ABCC11: variants seen among roughly 807,000 people sequenced by gnomAD.
ABCC11 encodes ATP-binding cassette sub-family C member 11.
In ABCC11, 135 loss-of-function variants were observed where a neutral mutation model predicts 149.3. The ratio of observed to expected loss-of-function variants is 0.90; its 90% confidence interval spans 0.79 to 1.04. ABCC11 has a LOEUF of 1.04. Ranked by LOEUF, ABCC11 falls within the 50% of genes least tolerant of loss-of-function variation. ABCC11 has a pLI of 0.00. For missense variants in ABCC11, 1,680 were observed against 1,722.1 expected, an observed-to-expected ratio of 0.98 and a Z score of 0.43; for synonymous variants, 665 against 671.4, an observed-to-expected ratio of 0.99 and a Z score of 0.15.
chr16:48,191,730 C>CA (rs1268953356), intron 20 of ABCC11, among the ~76,000 whole-genome samples: 1 of 149,208 alleles, frequency 6.7e-6, no homozygotes, highest in East Asian at 2.0e-4. Context: ...ATTGCAAGGA[C>CA]AAAAAACCAA....
rs113519656 is a variant in ABCC11 at position 48,219,180 on chromosome 16, T to C, written c.778-2893A>G. 6.5e-3 allele frequency among the ~76,000 whole-genome samples: 989 copies of C among 151,410 alleles called. 13 individuals are homozygous for C. Among genetic ancestry groups the C allele is most frequent in the African/African-American group, 0.023 (940 of 41,288 alleles). ...TGTTTTGGTTTTGGGTTTTTTTTTT[T>C]TTTTTTTGAGACTGGGTCTCACTAT... On this transcript the variant is annotated intron_variant, in intron 6 of 29. Coordinates refer to ENST00000356608, the MANE Select transcript of ABCC11 (RefSeq NM_001370497.1).
At chr16:48,244,387 G>A in intron 1 of ABCC11, 1 of 1,540,340 alleles carries the variant, frequency 6.5e-7, no homozygotes, top group African/African-American at 1.4e-5. Context: ...AAGGCTGCCA[G>A]CATGTCATCA....
At chr16:48,226,353 TA>T (rs1338124056) in intron 4 of ABCC11, among the ~76,000 whole-genome samples, 1 of 150,202 alleles carries the variant, frequency 6.7e-6, no homozygotes, top group Non-Finnish European at 1.5e-5. Context: ...CGGCTTACTA[TA>T]AGCTCTGCCT....
intron 1 of ABCC11, among the ~76,000 whole-genome samples, chr16:48,242,911 TG>T (rs1343124212): frequency 7.1e-6 from 1 of 140,808 alleles, no homozygotes; most frequent in Non-Finnish European, 1.5e-5. Context: ...TGGTGGGGAG[TG>T]GGGGGGAAGG....
chr16:48,203,332 G>C (rs1968162448), intron 13 of ABCC11, 32 bp from the exon 14 acceptor site: 2 of 1,537,262 alleles, frequency 1.3e-6, no homozygotes, highest in South Asian at 2.4e-5. Flanking sequence ...AAGGCACAGG[G>C]GACCAGCCCT....
At chr16:48,189,092 T>C (rs1054686145) in intron 20 of ABCC11, among the ~76,000 whole-genome samples, 1 of 152,266 alleles carries the variant, frequency 6.6e-6, no homozygotes, top group Admixed American at 6.5e-5. Flanking sequence ...TTTTTCTGCC[T>C]CTAAAATCCC....
chr16:48,180,626 A>G (rs1030745283), intron 23 of ABCC11, among the ~76,000 whole-genome samples: 5 of 152,188 alleles, frequency 3.3e-5, no homozygotes, highest in Non-Finnish European at 7.3e-5. Context: ...CTGCCTCCCA[A>G]TGCTCGAATG....
rs113762005 is a variant in ABCC11 at position 48,222,081 on chromosome 16, A to ATT, written c.777+515_777+516dup. On this transcript the variant is annotated intron_variant, in intron 6 of 29. Coordinates refer to ENST00000356608, the MANE Select transcript of ABCC11 (RefSeq NM_001370497.1). ...AGGCATGTACCACCAAGCCCAGCTA[A>ATT]TTTTTTTTTTTTTTTTGCAGGGTTG... is the stretch of plus-strand genomic sequence containing the variant. Among the ~76,000 whole-genome samples the ATT allele has an allele frequency of 2.6e-3, 357 of 137,896 alleles. 3 individuals are homozygous for ATT. Among genetic ancestry groups the ATT allele is most frequent in the African/African-American group, 7.4e-3 (274 of 37,234 alleles). 90.5% of individuals were successfully genotyped at this position (137,896 alleles called of 152,430 possible).
chr16:48,228,282 A>G (rs939632698), intron 3 of ABCC11, among the ~76,000 whole-genome samples: 1 of 152,104 alleles, frequency 6.6e-6, no homozygotes, highest in African/African-American at 2.4e-5. Context: ...AGCCAAAAAA[A>G]AGCCACTTGC....
intron 4 of ABCC11, among the ~76,000 whole-genome samples, chr16:48,226,773 CAT>C (rs1348737690): frequency 6.6e-6 from 1 of 152,170 alleles, no homozygotes; most frequent in East Asian, 1.9e-4. Context: ...CATGTGAAAA[CAT>C]GTGCCTTCAA....
At chr16:48,194,711 T>TTA (rs1314158697) in intron 18 of ABCC11, among the ~76,000 whole-genome samples, 1 of 152,164 alleles carries the variant, frequency 6.6e-6, no homozygotes, top group African/African-American at 2.4e-5. Flanking sequence ...GATACAACAT[T>TTA]TATCCCCTCC....
chr16:48,216,340 AG>A, intron 6 of ABCC11, 53 bp from the exon 7 acceptor site: 1 of 1,573,030 alleles, frequency 6.4e-7, no homozygotes, highest in Non-Finnish European at 8.7e-7. Flanking sequence ...GGTACACAGA[AG>A]GGGTGGCAGG....
intron 14 of ABCC11, among the ~76,000 whole-genome samples, chr16:48,202,041 C>G (rs1968028195): frequency 6.6e-6 from 1 of 152,158 alleles, no homozygotes. Context: ...CTTGATCTGG[C>G]CAAAGCCCAG....
At chr16:48,193,468 T>C (rs577939572) in intron 19 of ABCC11, among the ~76,000 whole-genome samples, 1 of 152,206 alleles carries the variant, frequency 6.6e-6, no homozygotes, top group East Asian at 1.9e-4. Context: ...CCTCTGAATG[T>C]GGGTGGGGAG....
intron 1 of ABCC11, among the ~76,000 whole-genome samples, chr16:48,238,887 A>T (rs1970814273): frequency 7.2e-6 from 1 of 139,852 alleles, no homozygotes; most frequent in South Asian, 2.5e-4. Flanking sequence ...CAGTGAGCCG[A>T]GATCTCGCCA....
intron 15 of ABCC11, 25 bp downstream of exon 15, chr16:48,200,251 G>A (rs746320758): frequency 6.2e-7 from 1 of 1,608,316 alleles, no homozygotes; most frequent in South Asian, 1.1e-5. Flanking sequence ...GTCAATCACA[G>A]TCAGAGCCCT....
intron 15 of ABCC11, among the ~76,000 whole-genome samples, chr16:48,198,959 G>T (rs1175012379): frequency 3.3e-5 from 5 of 151,872 alleles, no homozygotes; most frequent in Admixed American, 3.3e-4. Context: ...GCTTGAACCT[G>T]GGAAGTGGAG....
chr16:48,220,134 C>G (rs1675291286), intron 6 of ABCC11, among the ~76,000 whole-genome samples: 1 of 152,200 alleles, frequency 6.6e-6, no homozygotes, highest in South Asian at 2.1e-4. Context: ...ATTTTGCATA[C>G]AGCAGGTGCT....
Position 48,214,866 on chromosome 16 carries a change from C to T in ABCC11, c.1248+15G>A, listed in dbSNP as rs762694053. 3.1e-6 allele frequency: 5 copies of T among 1,612,724 alleles called. No individual in the cohort carries two copies. In the South Asian group the frequency reaches 5.5e-5, roughly 18 times the overall value. On this transcript the variant is annotated intron_variant, in intron 9 of 29. Coordinates refer to ENST00000356608, the MANE Select transcript of ABCC11 (RefSeq NM_001370497.1). ...AATCATGATGGGGAGAAAACAAAGC[C>T]CCCCAAACCCTTACCATTGACGCTG... is the stretch of plus-strand genomic sequence containing the variant.
Sources: gnomAD v4.1 joint callset for allele counts (sites outside exome capture counted in the v4.1 genomes callset) on GRCh38, gnomAD v4.1.1 for gene constraint, MANE v1.5 for transcripts, NCBI Gene and HGNC (gene_info 2026-07-23, HGNC 2026-07-21) for gene names.